Variants in GALM observed in about 807,000 individuals in gnomAD.
The protein encoded by GALM is galactose mutarotase.
A neutral mutation model predicts 37.4 loss-of-function variants in GALM; 43 were observed. The ratio of observed to expected loss-of-function variants is 1.15; its 90% CI spans 0.90 to 1.48. The LOEUF is 1.48. GALM is among the 40% of genes most tolerant of loss of function. GALM has a pLI of 0.00. For synonymous variants in GALM, 199 were observed against 170.6 expected (o/e 1.17, Z -1.30); for missense variants, 456 against 419.1 (o/e 1.09, Z -0.77).
At chr2:38,729,725 G>A in intron 5 of GALM, 28 bp downstream of exon 5, 4 of 1,586,832 alleles carry the variant, frequency 2.5e-6, no homozygotes, top group Non-Finnish European at 2.6e-6. Context: ...TCCTGAGTCT[G>A]TAAGGAAGAA....
chr2:38,699,530 C>G (rs1041805612), intron 4 of GALM, among the ~76,000 whole-genome samples: 2 of 152,050 alleles, frequency 1.3e-5, no homozygotes, highest in African/African-American at 4.8e-5. Context: ...CATTAAACAA[C>G]CTTTAGGCTG....
intron 4 of GALM, among the ~76,000 whole-genome samples, chr2:38,722,007 C>A (rs1666384564): frequency 6.6e-6 from 1 of 150,572 alleles, no homozygotes; most frequent in African/African-American, 2.4e-5. Context: ...TTTTCACTGT[C>A]CCTCCCCAAC....
At chr2:38,672,370 T>C (rs1031212616) in intron 1 of GALM, among the ~76,000 whole-genome samples, 1 of 152,192 alleles carries the variant, frequency 6.6e-6, no homozygotes, top group Non-Finnish European at 1.5e-5. Flanking sequence ...CAAGGAAAGA[T>C]TGTTTGGCTC....
intron 4 of GALM, chr2:38,698,440 C>T: frequency 7.7e-7 from 1 of 1,296,192 alleles, no homozygotes. Context: ...TTTGCAGGTA[C>T]ACTGTCAGGC....
chr2:38,723,675 C>T (rs958305958), intron 4 of GALM, among the ~76,000 whole-genome samples: 2 of 151,960 alleles, frequency 1.3e-5, no homozygotes, highest in African/African-American at 4.8e-5. Flanking sequence ...GCAGTAGTCA[C>T]AGCTACTCGG....
chr2:38,690,138 T>G (rs571611831), intron 4 of GALM, among the ~76,000 whole-genome samples: 1 of 152,274 alleles, frequency 6.6e-6, no homozygotes, highest in East Asian at 1.9e-4. Flanking sequence ...TAAAATTATT[T>G]CAAAATTTCA....
chr2:38,680,161 G>A, intron 2 of GALM: 3 of 401,106 alleles, frequency 7.5e-6, no homozygotes, highest in Non-Finnish European at 9.7e-6. Flanking sequence ...TAGGACTACA[G>A]GTATGCACCA....
At chr2:38,716,624 C>CA (rs1666274361) in intron 4 of GALM, among the ~76,000 whole-genome samples, 1 of 152,156 alleles carries the variant, frequency 6.6e-6, no homozygotes, top group African/African-American at 2.4e-5. Context: ...GTTCATGACT[C>CA]AAAAAAATCA....
chr2:38,723,902 A>C (rs1348962810), intron 4 of GALM, among the ~76,000 whole-genome samples: 1 of 152,126 alleles, frequency 6.6e-6, no homozygotes, highest in Non-Finnish European at 1.5e-5. Flanking sequence ...CTGTGTGTGC[A>C]CTCTGAATTG....
intron 1 of GALM, among the ~76,000 whole-genome samples, chr2:38,675,117 G>T (rs1665210034): frequency 6.6e-6 from 1 of 152,128 alleles, no homozygotes; most frequent in South Asian, 2.1e-4. Flanking sequence ...GGAGTTTGCA[G>T]TTAGCCGAGA....
chr2:38,717,110 C>T (rs1468671387), intron 4 of GALM, among the ~76,000 whole-genome samples: 1 of 151,920 alleles, frequency 6.6e-6, no homozygotes, highest in Non-Finnish European at 1.5e-5. Flanking sequence ...ATTAGCTAGG[C>T]GTGGGAGCAC....
At chr2:38,707,478 G>A (rs534651202) in intron 4 of GALM, among the ~76,000 whole-genome samples, 56 of 152,144 alleles carry the variant, frequency 3.7e-4, no homozygotes, top group Non-Finnish European at 7.9e-4. Context: ...GTCTTGGAGT[G>A]ACCAACAGTG....
chr2:38,703,083 TATATATATA>T (rs1263403768), intron 4 of GALM, among the ~76,000 whole-genome samples: 12 of 9,722 alleles, frequency 1.2e-3, no homozygotes, highest in African/African-American at 1.5e-3. Context: ...TATATATATA[TATATATATA>T]TTTTTTTTTT....
At chr2:38,711,335 T>C (rs1340510929) in intron 4 of GALM, among the ~76,000 whole-genome samples, 3 of 151,872 alleles carry the variant, frequency 2.0e-5, no homozygotes, top group African/African-American at 7.3e-5. Context: ...AATTTTTGTA[T>C]TTTTTAGTAG....
intron 1 of GALM, among the ~76,000 whole-genome samples, chr2:38,675,518 G>GGTTTTTT (rs796150100): frequency 1.9e-5 from 2 of 104,976 alleles, no homozygotes; most frequent in African/African-American, 4.5e-5. Context: ...TGGATTGAGG[G>GGTTTTTT]TTTTTTTGTT....
At chr2:38,719,665 CTTGGGAGCTGAGG>C (rs1178650294) in intron 4 of GALM, among the ~76,000 whole-genome samples, 1 of 150,194 alleles carries the variant, frequency 6.7e-6, no homozygotes, top group Non-Finnish European at 1.5e-5. Context: ...ATCTCAGCTA[CTTGGGAGCTGAGG>C]CAGGAGAATC....
At chr2:38,675,536 T>TTG (rs1665231067) in intron 1 of GALM, among the ~76,000 whole-genome samples, 1 of 93,082 alleles carries the variant, frequency 1.1e-5, no homozygotes, top group Non-Finnish European at 2.0e-5. Context: ...GTTTTTTTTT[T>TTG]TTTTTTTTGT....
At chr2:38,715,948 C>A (rs959144650) in intron 4 of GALM, among the ~76,000 whole-genome samples, 1 of 152,212 alleles carries the variant, frequency 6.6e-6, no homozygotes, top group Non-Finnish European at 1.5e-5. Context: ...AGAAGCTAAG[C>A]AGCCTCCACA....
intron 2 of GALM, among the ~76,000 whole-genome samples, chr2:38,679,460 G>A (rs1665341263): frequency 6.6e-6 from 1 of 152,042 alleles, no homozygotes; most frequent in Admixed American, 6.6e-5. Context: ...AATATTTGTT[G>A]AAGCCACATG....
Sources: gnomAD v4.1 joint callset for allele counts (sites outside exome capture counted in the v4.1 genomes callset) on GRCh38, gnomAD v4.1.1 for gene constraint, MANE v1.5 for transcripts, NCBI Gene and HGNC (gene_info 2026-07-23, HGNC 2026-07-21) for gene names.